Variants in IGFN1 observed in about 807,000 individuals in gnomAD.
IGFN1 encodes immunoglobulin-like and fibronectin type III domain-containing protein 1.
A neutral mutation model predicts 289.5 loss-of-function variants in IGFN1; 253 were observed. The ratio of observed to expected loss-of-function variants is 0.87; its 90% CI spans 0.79 to 0.97. The LOEUF (loss-of-function observed/expected upper bound fraction) is 0.97, where lower values mean the gene tolerates loss of function less well. IGFN1 is among the 50% of genes least tolerant of loss of function. IGFN1 has a pLI of 0.00. For synonymous variants in IGFN1, 1,706 were observed against 1,788.5 expected (o/e 0.95, Z 1.16); for missense variants, 4,470 against 4,686.1 (o/e 0.95, Z 1.35).
chr1:201,213,720 C>A, intron 12 of IGFN1, 99 bp downstream of exon 12: 1 of 1,016,132 alleles, frequency 9.8e-7, no homozygotes, highest in Non-Finnish European at 1.5e-6. Context: ...CTGCCTCCAG[C>A]CCCAGGAGTT....
chr1:201,198,123 T>C (rs1228379445), intron 5 of IGFN1, among the ~76,000 whole-genome samples: 2 of 152,160 alleles, frequency 1.3e-5, no homozygotes, highest in Admixed American at 6.5e-5. Context: ...TCCATCTGCC[T>C]CTCTTATTTT....
Position 201,213,235 on chromosome 1 carries a change from T to C in IGFN1, c.8342T>C (p.Leu2781Pro). 1 of 1,551,662 alleles carries C rather than the reference T, an allele frequency of 6.4e-7. No individual in the cohort carries two copies. The highest frequency in any genetic ancestry group is 8.7e-7 in the Non-Finnish European group (1 of 1,146,976). Residue 2781 changes from leucine to proline, a missense_variant, in exon 12 of 24, where the codon CTG (leucine) becomes CCG (proline). By Grantham distance (98) the Leu-to-Pro change is moderately conservative. This residue lies in a region of IGFN1 where 2,218 missense variants were observed against 2,114.1 expected (regional missense o/e 1.05). Transcript: ENST00000335211. ...GKRSLGEQGS[L>P]EAENGEVQGP... ...AGGTCCCTCGGGGAGCAGGGGTCCC[T>C]GGAGGCTGAGAATGGTGAGGTCCAG...
In IGFN1 at chr1:201,215,701, AGGCCCAGGTGGACCTGGGGGAT is replaced by A. The variant is rs756745676; in HGVS notation, c.9162_9183del (p.Gln3055ThrfsTer19). On this transcript the variant is annotated frameshift_variant, in exon 15 of 24. Transcript: ENST00000335211. LOFTEE classifies it high-confidence loss of function. ...GAGGTGGTGGGCAGCAGTGACAGGG[AGGCCCAGGTGGACCTGGGGGAT>A]GGCTACACGCGGCTGTGCCTCCCCA... 2.5e-6 allele frequency: 4 copies of A among 1,613,546 alleles called. No homozygotes were observed. In the South Asian group the frequency reaches 4.4e-5, roughly 18 times the overall value.
chr1:201,197,109 G>A, intron 4 of IGFN1, 109 bp from the exon 5 acceptor site: 1 of 662,430 alleles, frequency 1.5e-6, no homozygotes, highest in Non-Finnish European at 2.7e-6. Context: ...GCTCCATGAG[G>A]ACAAGGACCA....
intron 20 of IGFN1, 180 bp downstream of exon 20, chr1:201,223,007 C>T (rs1653836873): frequency 2.1e-6 from 1 of 473,748 alleles, no homozygotes; most frequent in Non-Finnish European, 3.8e-6. Flanking sequence ...GATTCAGGTC[C>T]TCCTTGAAGG....
chr1:201,192,228 T>A (rs1169434019), intron 1 of IGFN1, among the ~76,000 whole-genome samples: 1 of 152,112 alleles, frequency 6.6e-6, no homozygotes, highest in Non-Finnish European at 1.5e-5. Flanking sequence ...CGTTGCGAAA[T>A]GGAATGATCT....
At chr1:201,225,000 C>A in intron 21 of IGFN1, 126 bp downstream of exon 21, 1 of 635,302 alleles carries the variant, frequency 1.6e-6, no homozygotes, top group Non-Finnish European at 2.6e-6. Context: ...AGTGACCATT[C>A]TCCACCTTTC....
Position 201,209,852 on chromosome 1 carries a change from G to A in IGFN1, c.4959G>A (p.Lys1653=), listed in dbSNP as rs1206786734. The change falls in exon 12 of 24, where the codon AAG becomes AAA. Residue 1653 remains lysine (K), a synonymous_variant. Transcript: ENST00000335211. The part of the protein sequence containing the change: ...GAPKGIGSGS[K]AGFRDGLGSS... Reference sequence around the variant, plus strand: ...CTAAGGGAATAGGTTCAGGGAGCAAGGCAGGTTTTAGGGATGGTTTAGGGA... The same window carrying A: ...CTAAGGGAATAGGTTCAGGGAGCAAAGCAGGTTTTAGGGATGGTTTAGGGA... The A allele has an allele frequency of 6.8e-7, 1 of 1,480,716 alleles. No homozygotes were observed. Among genetic ancestry groups the A allele is most frequent in the Non-Finnish European group, 9.0e-7 (1 of 1,105,682 alleles). 91.7% of individuals were successfully genotyped at this position (1,480,716 alleles called of 1,614,324 possible).
Position 201,207,460 on chromosome 1 carries a change from C to A in IGFN1, c.2567C>A (p.Pro856His), listed in dbSNP as rs368038036. Residue 856 changes from proline (P) to histidine (H), a missense_variant, in exon 12 of 24, where the codon CCT (proline) becomes CAT (histidine). This residue lies in a region of IGFN1 where 2,011 missense variants were observed against 1,953.4 expected (regional missense o/e 1.03). Coordinates refer to ENST00000335211, the MANE Select transcript of IGFN1 (RefSeq NM_001164586.2). ...AGAAAAACTGGGGCCCACCATGGGCCTGGAGTGCTGGGGCCCAGTGGAGGA... is the reference window on the plus strand; with the variant it reads ...AGAAAAACTGGGGCCCACCATGGGCATGGAGTGCTGGGGCCCAGTGGAGGA... ...SLRKTGAHHG[P>H]GVLGPSGGQE... The A allele has an allele frequency of 4.3e-4, 654 of 1,530,656 alleles. 3 individuals are homozygous for A. Among genetic ancestry groups the A allele is most frequent in the Middle Eastern group, 2.0e-3 (12 of 5,936 alleles). 94.8% of individuals were successfully genotyped at this position (1,530,656 alleles called of 1,614,324 possible).
chr1:201,199,590 A>G lies in IGFN1; in HGVS notation c.413-19A>G. ...TCATCCCACCTGGGACTGAGGCCTCATTCCTGCTCCTTTTTCAGACCTCAG... is the reference window on the plus strand; with the variant it reads ...TCATCCCACCTGGGACTGAGGCCTCGTTCCTGCTCCTTTTTCAGACCTCAG... On this transcript the variant is annotated intron_variant, in intron 6 of 23. Transcript: ENST00000335211. 1 of 1,550,098 alleles carries G rather than the reference A, an allele frequency of 6.5e-7. No homozygotes were observed. The highest frequency in any genetic ancestry group is 8.7e-7 in the Non-Finnish European group (1 of 1,146,038).
In IGFN1 at chr1:201,213,538, T is replaced by C. The variant is rs371482699; in HGVS notation, c.8645T>C (p.Ile2882Thr). 14 of 1,613,962 alleles carry C rather than the reference T, an allele frequency of 8.7e-6. No individual in the cohort carries two copies. In the African/African-American group the frequency reaches 1.7e-4, roughly 20 times the overall value. The change falls in exon 12 of 24, where the codon ATC (isoleucine) becomes ACC (threonine). Residue 2882 changes from isoleucine to threonine, a missense_variant. Ile to Thr is a moderately conservative substitution (Grantham distance 89). Transcript: ENST00000335211. Reference sequence around the variant, plus strand: ...AGTGGCAAAGACGGCAGGTTGGACATCTATGGAGAGAGGAGAGATGCTACC... The same window carrying C: ...AGTGGCAAAGACGGCAGGTTGGACACCTATGGAGAGAGGAGAGATGCTACC... Reference protein sequence around the residue: ...RRSGKDGRLDIYGERRDATRS... With the variant: ...RRSGKDGRLDTYGERRDATRS...
Position 201,203,769 on chromosome 1 carries a change from A to G in IGFN1, c.779A>G (p.Asn260Ser). 1.9e-6 allele frequency: 3 copies of G among 1,551,838 alleles called. No homozygotes were observed. The highest frequency in any genetic ancestry group is 2.6e-6 in the Non-Finnish European group (3 of 1,147,042). Residue 260 changes from asparagine (N) to serine (S), a missense_variant, in exon 10 of 24, where the codon AAC (asparagine) becomes AGC (serine). Physicochemically the swap from Asn to Ser is conservative, Grantham distance 46. Around this residue, in one of 8 missense-constraint regions of IGFN1, gnomAD observed 2,011 missense variants for 1,953.4 expected, o/e 1.03. Transcript: ENST00000335211. ...DGEMIPYGFNNQTKHCLRRLG... is the reference protein window; with the variant it reads ...DGEMIPYGFNSQTKHCLRRLG... ...GAGATGATCCCCTATGGCTTCAACAACCAAACCAAGCACTGTCTGCGCCGG... is the reference window on the plus strand; with the variant it reads ...GAGATGATCCCCTATGGCTTCAACAGCCAAACCAAGCACTGTCTGCGCCGG...
At chr1:201,191,982 G>A (rs1374960316) in intron 1 of IGFN1, among the ~76,000 whole-genome samples, 2 of 152,104 alleles carry the variant, frequency 1.3e-5, no homozygotes, top group Non-Finnish European at 2.9e-5. Flanking sequence ...GCTGCACTGA[G>A]GGGTGGGTGG....
Position 201,206,548 on chromosome 1 carries a change from G to C in IGFN1, c.1655G>C (p.Cys552Ser). The stretch of plus-strand genomic sequence containing the variant: ...GGCAGAGACAGCAACAGTGATGAAT[G>C]CTGGAGGAAAGCAGGAGGCTGGGAG... ...DRGRDSNSDE[C>S]WRKAGGWEAG... The change falls in exon 12 of 24, where the codon TGC becomes TCC. Residue 552 changes from cysteine to serine, a missense_variant. This residue lies in a region of IGFN1 where 2,011 missense variants were observed against 1,953.4 expected (regional missense o/e 1.03). Coordinates refer to ENST00000335211, the MANE Select transcript of IGFN1 (RefSeq NM_001164586.2). 1 of 1,551,032 alleles carries C rather than the reference G, an allele frequency of 6.4e-7. No individual in the cohort carries two copies. The highest frequency in any genetic ancestry group is 8.7e-7 in the Non-Finnish European group (1 of 1,147,030).
chr1:201,203,623 T>C, intron 9 of IGFN1, 115 bp from the exon 10 acceptor site: 1 of 911,528 alleles, frequency 1.1e-6, no homozygotes, highest in Non-Finnish European at 1.7e-6. Context: ...CAGGAATCTG[T>C]TGTCTGGCGA....
At position 201,228,756 on chromosome 1, in the gene IGFN1, G is replaced by C. The variant is rs537315854; in HGVS notation, c.*357G>C. The C allele has an allele frequency of 2.1e-4, 63 of 305,644 alleles. 2 individuals are homozygous for C. Among genetic ancestry groups the C allele is most frequent in the South Asian group, 9.4e-4 (24 of 25,664 alleles). 18.9% of individuals were successfully genotyped at this position (305,644 alleles called of 1,614,324 possible). On this transcript the variant is annotated 3_prime_UTR_variant, in exon 24 of 24. Transcript: ENST00000335211. ...TCCTGGGCTGAGCCGTTTGGAGGGA[G>C]GGTGGGCACAGCTGGGCCTGCTGTG...
intron 17 of IGFN1, among the ~76,000 whole-genome samples, chr1:201,217,780 G>A (rs1653425986): frequency 6.6e-6 from 1 of 152,232 alleles, no homozygotes; most frequent in Non-Finnish European, 1.5e-5. Flanking sequence ...GTGCTGAGGT[G>A]AAGAAGCCCT....
chr1:201,228,336 G>C (rs934319255), intron 23 of IGFN1, 50 bp from the exon 24 acceptor site: 1 of 1,590,502 alleles, frequency 6.3e-7, no homozygotes, highest in Non-Finnish European at 8.6e-7. Flanking sequence ...ACAGATGCAG[G>C]GTGGGGTGGC....
At chr1:201,198,778 C>A (rs1326708176) in intron 5 of IGFN1, among the ~76,000 whole-genome samples, 1 of 152,160 alleles carries the variant, frequency 6.6e-6, no homozygotes, top group African/African-American at 2.4e-5. Flanking sequence ...ATTCCTGGAG[C>A]TCATTGGTCA....
Sources: allele counts gnomAD v4.1 joint callset (sites outside exome capture counted in the v4.1 genomes callset), GRCh38; gene constraint gnomAD v4.1.1; regional missense constraint gnomAD v4.1.1; transcripts MANE v1.5; gene names NCBI Gene and HGNC (gene_info 2026-07-23, HGNC 2026-07-21).